CAPN3: variants seen among roughly 807,000 people sequenced by gnomAD.
The protein encoded by CAPN3 is calpain 3, also known as calpain-3.
Under a neutral mutation model 114.0 loss-of-function variants are expected in CAPN3, and 88 were observed. The ratio of observed to expected loss-of-function variants is 0.77; its 90% confidence interval spans 0.65 to 0.92. The LOEUF (loss-of-function observed/expected upper bound fraction) is 0.92. Ranked by LOEUF, CAPN3 falls within the 40% of genes least tolerant of loss-of-function variation. CAPN3 has a pLI of 0.00. For missense variants in CAPN3, 1,028 were observed against 1,069.0 expected (o/e 0.96, Z 0.53); for synonymous variants, 386 against 382.9 (o/e 1.01, Z -0.09).
At chr15:42,409,427 C>T in intron 17 of CAPN3, 47 bp downstream of exon 17, 1 of 1,481,506 alleles carries the variant, frequency 6.7e-7, no homozygotes, top group Non-Finnish European at 9.4e-7. Flanking sequence ...TCCTTCTCTC[C>T]TGGATTAACT....
Position 42,388,961 on chromosome 15 carries a change from G to C in CAPN3, c.666G>C (p.Gly222=). 1 of 1,614,062 alleles carries C rather than the reference G, an allele frequency of 6.2e-7. No homozygotes were observed. Among genetic ancestry groups the C allele is most frequent in the Non-Finnish European group, 8.5e-7 (1 of 1,180,008 alleles). Residue 222 remains glycine (G), a synonymous_variant, in exon 5 of 24, where the codon GGG becomes GGC. Coordinates refer to ENST00000397163, the MANE Select transcript of CAPN3 (RefSeq NM_000070.3). ...LHGSYEALKG[G]NTTEAMEDFT... ...GTTCCTACGAAGCTCTGAAAGGTGG[G>C]AACACCACAGAGGCCATGGAGGACT...
intron 1 of CAPN3, among the ~76,000 whole-genome samples, chr15:42,368,639 G>A (rs1188106048): frequency 2.0e-5 from 3 of 152,224 alleles, no homozygotes; most frequent in Non-Finnish European, 2.9e-5. Context: ...CAATGGTTCA[G>A]TATTTACTAA....
At chr15:42,402,644 C>T in intron 12 of CAPN3, 150 bp from the exon 13 acceptor site, 1 of 1,536,640 alleles carries the variant, frequency 6.5e-7, no homozygotes, top group Non-Finnish European at 8.7e-7. Context: ...GGTAGGGAGG[C>T]TATTTAAGCC....
At chr15:42,385,681 G>A (rs753434194) in intron 2 of CAPN3, 13 of 519,916 alleles carry the variant, frequency 2.5e-5, no homozygotes, top group African/African-American at 7.7e-5. Context: ...CCCTATAGAC[G>A]GGTTCCAGGG....
chr15:42,366,833 T>TTTC (rs2052794739), intron 1 of CAPN3, among the ~76,000 whole-genome samples: 4 of 145,146 alleles, frequency 2.8e-5, no homozygotes, highest in African/African-American at 8.2e-5. Flanking sequence ...TTTTTCTTTT[T>TTTC]TTTTTTCTTT....
rs761275478 is a variant in CAPN3, at chr15:42,410,903, G to A, written c.2283G>A (p.Gln761=). Residue 761 remains glutamine (Q), a synonymous_variant, in exon 22 of 24, where the codon CAG becomes CAA. Coordinates refer to ENST00000397163, the MANE Select transcript of CAPN3 (RefSeq NM_000070.3). The part of the protein sequence containing the change: ...VNDAGFHLNN[Q]LYDIITMRYA... ...CCACAGGATTCCACCTCAACAACCA[G>A]CTCTATGACATCATTACCATGCGGT... is the stretch of plus-strand genomic sequence containing the variant. The A allele has an allele frequency of 6.2e-7, 1 of 1,614,116 alleles. No homozygotes were observed. The highest frequency in any genetic ancestry group is 8.5e-7 in the Non-Finnish European group (1 of 1,179,936).
intron 13 of CAPN3, among the ~76,000 whole-genome samples, chr15:42,403,459 C>T (rs2053934131): frequency 6.6e-6 from 1 of 152,190 alleles, no homozygotes; most frequent in Non-Finnish European, 1.5e-5. Flanking sequence ...CCCTGCCACT[C>T]TGATCTCTGT....
At chr15:42,391,737 CT>C (rs1276619411) in intron 6 of CAPN3, among the ~76,000 whole-genome samples, 1 of 152,210 alleles carries the variant, frequency 6.6e-6, no homozygotes, top group African/African-American at 2.4e-5. Context: ...GGAAGAGCTA[CT>C]CCTTAGGCAC....
intron 12 of CAPN3, chr15:42,402,528 G>C: frequency 6.9e-7 from 1 of 1,441,972 alleles, no homozygotes; most frequent in South Asian, 1.4e-5. Flanking sequence ...TCCAGCCTGA[G>C]GGGCTTCGGA....
intron 1 of CAPN3, among the ~76,000 whole-genome samples, chr15:42,362,390 G>C (rs1345404987): frequency 6.6e-6 from 1 of 152,200 alleles, no homozygotes; most frequent in Admixed American, 6.5e-5. Context: ...TTAAGGGCCT[G>C]TTATGCTCTA....
chr15:42,397,597 T>C (rs1323304599), intron 9 of CAPN3, among the ~76,000 whole-genome samples: 1 of 151,502 alleles, frequency 6.6e-6, no homozygotes, highest in East Asian at 1.9e-4. Flanking sequence ...TGAGCCCAGA[T>C]TGCGCCACTG....
chr15:42,400,723 T>G (rs1256343010), intron 10 of CAPN3, among the ~76,000 whole-genome samples: 1 of 150,962 alleles, frequency 6.6e-6, no homozygotes, highest in Admixed American at 6.6e-5. Context: ...TATCAGCGTG[T>G]TGTTTGTTTT....
At chr15:42,366,962 T>A (rs1325333616) in intron 1 of CAPN3, among the ~76,000 whole-genome samples, 2 of 151,642 alleles carry the variant, frequency 1.3e-5, no homozygotes, top group East Asian at 3.9e-4. Flanking sequence ...GCCTCTCTAG[T>A]TGCTGGGACT....
Position 42,409,864 on chromosome 15 carries a change from T to C in CAPN3, c.2050+20T>C. On this transcript the variant is annotated intron_variant, in intron 18 of 23. Coordinates refer to ENST00000397163, the MANE Select transcript of CAPN3 (RefSeq NM_000070.3). Reference sequence around the variant, plus strand: ...ACAAACGTGAGTTGCTCAAACCAAATGGGGGTGGGGTGGGTGGGGAGTCCC... The same window carrying C: ...ACAAACGTGAGTTGCTCAAACCAAACGGGGGTGGGGTGGGTGGGGAGTCCC... 6.0e-6 allele frequency: 1 copy of C among 166,234 alleles called. No individual in the cohort carries two copies. The highest frequency in any genetic ancestry group is 7.4e-5 in the Admixed American group (1 of 13,526). 10.3% of individuals were successfully genotyped at this position (166,234 alleles called of 1,614,324 possible).
chr15:42,391,426 T>C (rs1470593390), intron 6 of CAPN3, among the ~76,000 whole-genome samples: 3 of 151,904 alleles, frequency 2.0e-5, no homozygotes, highest in East Asian at 3.9e-4. Context: ...GATTAATGAG[T>C]CTCCCGCCCC....
intron 9 of CAPN3, among the ~76,000 whole-genome samples, chr15:42,399,095 G>A (rs1373253139): frequency 6.6e-5 from 10 of 151,956 alleles, no homozygotes; most frequent in Admixed American, 1.3e-4. Flanking sequence ...GAGCACTAGA[G>A]CTTATTTCTT....
Position 42,387,829 on chromosome 15 carries a change from C to G in CAPN3, c.575C>G (p.Thr192Ser). 1.2e-6 allele frequency: 2 copies of G among 1,614,164 alleles called. No individual in the cohort carries two copies. Among genetic ancestry groups the G allele is most frequent in the Non-Finnish European group, 1.7e-6 (2 of 1,180,034 alleles). ...ACGTACAACAATCAACTGGTTTTCACCAAGTCCAACCACCGCAATGAGTTC... is the reference window on the plus strand; with the variant it reads ...ACGTACAACAATCAACTGGTTTTCAGCAAGTCCAACCACCGCAATGAGTTC... ...LPTYNNQLVF[T>S]KSNHRNEFWS... The change falls in exon 4 of 24, where the codon ACC becomes AGC. Residue 192 changes from threonine to serine, a missense_variant. Coordinates refer to ENST00000397163, the MANE Select transcript of CAPN3 (RefSeq NM_000070.3).
At chr15:42,403,854 G>A in intron 14 of CAPN3, 77 bp downstream of exon 14, 1 of 1,283,598 alleles carries the variant, frequency 7.8e-7, no homozygotes, top group Non-Finnish European at 1.1e-6. Context: ...GATGGTGCAG[G>A]GGAGAATGGG....
chr15:42,389,173 G>C, intron 5 of CAPN3, 77 bp downstream of exon 5: 1 of 1,388,720 alleles, frequency 7.2e-7, no homozygotes, highest in Non-Finnish European at 1.0e-6. Flanking sequence ...GGGCAGCATA[G>C]AGCTTTTGTG....
Sources: gnomAD v4.1 joint callset for allele counts (sites outside exome capture counted in the v4.1 genomes callset) on GRCh38, gnomAD v4.1.1 for gene constraint, MANE v1.5 for transcripts, NCBI Gene and HGNC (gene_info 2026-07-23, HGNC 2026-07-21) for gene names.